The following EVI5 variants were observed in gnomAD, a reference collection of about 807,000 sequenced individuals.
EVI5 encodes the protein ecotropic viral integration site 5, also known as ecotropic viral integration site 5 protein homolog.
Under a neutral mutation model 112.0 loss-of-function variants are expected in EVI5, and 73 were observed. The ratio of observed to expected loss-of-function variants is 0.65; its 90% CI spans 0.54 to 0.79. EVI5 has a LOEUF of 0.79. EVI5 is among the 30% of genes least tolerant of loss of function. EVI5 has a pLI of 0.00. For synonymous variants in EVI5, 305 were observed against 319.9 expected (o/e 0.95, Z 0.50); for missense variants, 900 against 968.8 (o/e 0.93, Z 0.94).
intron 16 of EVI5, among the ~76,000 whole-genome samples, chr1:92,615,824 G>A (rs1032872595): frequency 9.9e-5 from 15 of 152,010 alleles, no homozygotes; most frequent in African/African-American, 3.6e-4. Context: ...GGTTGAGTGT[G>A]ACCCATGAGG....
Position 92,572,868 on chromosome 1 carries a change from GA to G in EVI5, c.2071-9132del, listed in dbSNP as rs762308269. ...CTGTTAGCCATTTTAATATAATGAG[GA>G]AAACCTCCTGAGGATAGAAATGACA... is the stretch of plus-strand genomic sequence containing the variant. On this transcript the variant is annotated intron_variant, in intron 18 of 19. Transcript: ENST00000684568. 2.9e-4 allele frequency among the ~76,000 whole-genome samples: 44 copies of G among 152,100 alleles called. 1 individual carries two copies. The highest frequency in any genetic ancestry group is 3.4e-3 in the Middle Eastern group (1 of 294).
At chr1:92,608,717 AAAGG>A (rs1321406187) in intron 16 of EVI5, among the ~76,000 whole-genome samples, 59 of 2,526 alleles carry the variant, frequency 0.023, no homozygotes, top group African/African-American at 0.056. Flanking sequence ...AAAAAAAAGG[AAAGG>A]AAAAAAAAAA....
intron 1 of EVI5, among the ~76,000 whole-genome samples, chr1:92,773,247 A>G (rs1683681094): frequency 6.6e-6 from 1 of 152,038 alleles, no homozygotes; most frequent in Non-Finnish European, 1.5e-5. Flanking sequence ...ATAGCCAAAT[A>G]GGAGATAGGA....
chr1:92,708,081 A>G (rs903005359), intron 2 of EVI5, among the ~76,000 whole-genome samples: 2 of 152,328 alleles, frequency 1.3e-5, no homozygotes, highest in Admixed American at 1.3e-4. Flanking sequence ...AATCTTCATG[A>G]CTTTGAGTTA....
At chr1:92,661,218 C>T (rs570346006) in intron 13 of EVI5, among the ~76,000 whole-genome samples, 20 of 152,088 alleles carry the variant, frequency 1.3e-4, no homozygotes, top group East Asian at 9.6e-4. Context: ...ATTTAAAACC[C>T]TTATTCTGAA....
chr1:92,733,780 C>T (rs568719391), intron 2 of EVI5, among the ~76,000 whole-genome samples: 1 of 152,208 alleles, frequency 6.6e-6, no homozygotes, highest in South Asian at 2.1e-4. Context: ...CAATTATTTG[C>T]AAATTATTAT....
intron 19 of EVI5, among the ~76,000 whole-genome samples, chr1:92,535,168 T>G (rs1663645644): frequency 6.6e-6 from 1 of 152,174 alleles, no homozygotes; most frequent in Non-Finnish European, 1.5e-5. Context: ...GAAAAAAAGC[T>G]AATCATCACT....
chr1:92,600,567 C>T (rs561918124), intron 18 of EVI5, among the ~76,000 whole-genome samples: 2 of 152,248 alleles, frequency 1.3e-5, no homozygotes, highest in East Asian at 1.9e-4. Flanking sequence ...TGACAGATTT[C>T]GTAGTCCATA....
At chr1:92,784,271 A>C (rs1330800492) in intron 1 of EVI5, 2 of 983,928 alleles carry the variant, frequency 2.0e-6, no homozygotes, top group African/African-American at 1.7e-5. Flanking sequence ...CCTGAGGTTA[A>C]TTTGAGGCTT....
At chr1:92,764,382 G>C (rs1570842274) in intron 1 of EVI5, among the ~76,000 whole-genome samples, 1 of 152,122 alleles carries the variant, frequency 6.6e-6, no homozygotes, top group Admixed American at 6.5e-5. Context: ...TGTTAATCTA[G>C]GAATATTTAA....
Position 92,534,772 on chromosome 1 carries a change from T to C in EVI5, c.2167-20802A>G, listed in dbSNP as rs148728913. ...CCTTACACTTTATACAAAAATTAAC[T>C]CACGATGGATTAAAGACTTAAACGT... On this transcript the variant is annotated intron_variant, in intron 19 of 19. Coordinates refer to ENST00000684568, the MANE Select transcript of EVI5 (RefSeq NM_001350197.2). Among the ~76,000 whole-genome samples, 1,377 of 152,124 alleles carry C rather than the reference T, an allele frequency of 9.1e-3. 18 individuals carry two copies. Among genetic ancestry groups the C allele is most frequent in the African/African-American group, 0.031 (1,294 of 41,482 alleles).
At chr1:92,709,460 T>G (rs943294269) in intron 2 of EVI5, among the ~76,000 whole-genome samples, 1 of 152,184 alleles carries the variant, frequency 6.6e-6, no homozygotes, top group African/African-American at 2.4e-5. Flanking sequence ...CTTCTGAACT[T>G]TTTAAAACCG....
intron 2 of EVI5, among the ~76,000 whole-genome samples, chr1:92,727,953 C>T (rs1675839063): frequency 6.6e-6 from 1 of 151,252 alleles, no homozygotes; most frequent in African/African-American, 2.4e-5. Flanking sequence ...ATGATCATAC[C>T]ATTGCACTCC....
At chr1:92,698,489 C>T (rs1670655509) in intron 5 of EVI5, among the ~76,000 whole-genome samples, 1 of 152,150 alleles carries the variant, frequency 6.6e-6, no homozygotes, top group Non-Finnish European at 1.5e-5. Flanking sequence ...AACAGTTAAG[C>T]AGAATCCTGA....
chr1:92,532,998 A>C (rs1205091660), intron 19 of EVI5, among the ~76,000 whole-genome samples: 2 of 73,764 alleles, frequency 2.7e-5, no homozygotes, highest in African/African-American at 1.4e-4. Flanking sequence ...GAATCTAGGA[A>C]CTTTTTTTTT....
At chr1:92,766,301 ATTTTG>A (rs1473981594) in intron 1 of EVI5, among the ~76,000 whole-genome samples, 3 of 151,632 alleles carry the variant, frequency 2.0e-5, no homozygotes, top group African/African-American at 7.3e-5. Flanking sequence ...GTTTTGTTTC[ATTTTG>A]TTTTTTTAAA....
At chr1:92,770,797 A>G (rs1450798763) in intron 1 of EVI5, among the ~76,000 whole-genome samples, 1 of 151,956 alleles carries the variant, frequency 6.6e-6, no homozygotes, top group African/African-American at 2.4e-5. Context: ...CTCAAAAAAA[A>G]GAAAAAGAAA....
chr1:92,640,435 G>A (rs2101949352), intron 13 of EVI5, among the ~76,000 whole-genome samples: 1 of 152,228 alleles, frequency 6.6e-6, no homozygotes, highest in African/African-American at 2.4e-5. Context: ...CCATCAAAAA[G>A]TGGGCAAAGG....
intron 18 of EVI5, among the ~76,000 whole-genome samples, chr1:92,586,829 G>A (rs1475585226): frequency 1.3e-5 from 2 of 151,576 alleles, no homozygotes; most frequent in Non-Finnish European, 2.9e-5. Context: ...GTGCCATGCT[G>A]GTGTGCTGCA....
Sources: gnomAD v4.1 joint callset for allele counts (sites outside exome capture counted in the v4.1 genomes callset) on GRCh38, gnomAD v4.1.1 for gene constraint, MANE v1.5 for transcripts, NCBI Gene and HGNC (gene_info 2026-07-23, HGNC 2026-07-21) for gene names.